OSBPL8: variants seen among roughly 807,000 people sequenced by gnomAD.
The protein encoded by OSBPL8 is oxysterol binding protein like 8.
In OSBPL8, 59 loss-of-function variants were observed where a neutral mutation model predicts 125.5. The ratio of observed to expected loss-of-function variants is 0.47; its 90% confidence interval spans 0.38 to 0.58. The LOEUF is 0.58. Ranked by LOEUF, OSBPL8 falls within the 20% of genes least tolerant of loss-of-function variation. The pLI, the probability that OSBPL8 is intolerant of heterozygous loss-of-function variation, is 0.00. For synonymous variants in OSBPL8, 330 were observed against 338.9 expected (o/e 0.97, Z 0.29); for missense variants, 758 against 1,047.8 (o/e 0.72, Z 3.82).
intron 15 of OSBPL8, among the ~76,000 whole-genome samples, chr12:76,381,434 CT>C (rs1953045746): frequency 6.6e-6 from 1 of 152,134 alleles, no homozygotes; most frequent in Non-Finnish European, 1.5e-5. Context: ...TTTTACACCA[CT>C]TCTTGGGTCA....
chr12:76,427,530 C>T (rs1870291797), intron 4 of OSBPL8, among the ~76,000 whole-genome samples: 1 of 151,792 alleles, frequency 6.6e-6, no homozygotes, highest in Non-Finnish European at 1.5e-5. Context: ...ATACTCTTTT[C>T]TTCAATAATT....
rs550039008 is a variant in OSBPL8, at chr12:76,460,446, A to G, written c.43-551T>C. On this transcript the variant is annotated intron_variant, in intron 2 of 23. Transcript: ENST00000261183. ...GTTACATGCCAAGCATTGTGTGAAG[A>G]GCATCTACAGAGGCATCAACAAAGT... Among the ~76,000 whole-genome samples the G allele has an allele frequency of 7.2e-5, 11 of 151,864 alleles. No individual in the cohort carries two copies. In the East Asian group the frequency reaches 1.9e-3, roughly 27 times the overall value.
chr12:76,378,996 T>C (rs768133754), intron 15 of OSBPL8, among the ~76,000 whole-genome samples: 5 of 152,132 alleles, frequency 3.3e-5, no homozygotes, highest in Non-Finnish European at 5.9e-5. Flanking sequence ...TTTTAACTCC[T>C]GACCTTGGGT....
chr12:76,367,229 G>GGTGGGT (rs1555206641), intron 21 of OSBPL8, among the ~76,000 whole-genome samples: 1 of 147,168 alleles, frequency 6.8e-6, no homozygotes, highest in Admixed American at 6.8e-5. Flanking sequence ...TTTGTTGATT[G>GGTGGGT]GTGTGTGTGT....
chr12:76,425,886 G>T (rs751573970), intron 4 of OSBPL8, among the ~76,000 whole-genome samples: 1 of 152,124 alleles, frequency 6.6e-6, no homozygotes, highest in Non-Finnish European at 1.5e-5. Context: ...TAATTATCTT[G>T]CCGAATGCTT....
At chr12:76,479,461 C>T (rs1319194631) in intron 2 of OSBPL8, among the ~76,000 whole-genome samples, 1 of 152,204 alleles carries the variant, frequency 6.6e-6, no homozygotes, top group Non-Finnish European at 1.5e-5. Context: ...CCAGCCTCCA[C>T]TTTTCTAACC....
chr12:76,508,937 C>T (rs999239754), intron 1 of OSBPL8, among the ~76,000 whole-genome samples: 1 of 152,196 alleles, frequency 6.6e-6, no homozygotes. Flanking sequence ...GCCCATGCTG[C>T]TGCTCTGCCT....
At chr12:76,356,523 T>G in intron 23 of OSBPL8, 103 bp downstream of exon 23, 1 of 701,952 alleles carries the variant, frequency 1.4e-6, no homozygotes. Context: ...TTAGCTTAGC[T>G]AAATGTTATA....
At chr12:76,499,762 G>A (rs1258087425) in intron 1 of OSBPL8, among the ~76,000 whole-genome samples, 3 of 152,014 alleles carry the variant, frequency 2.0e-5, no homozygotes, top group Admixed American at 6.6e-5. Flanking sequence ...GCTGAAGTAG[G>A]AGAATCACTT....
chr12:76,541,798 G>A (rs1386247537), intron 1 of OSBPL8, among the ~76,000 whole-genome samples: 1 of 152,100 alleles, frequency 6.6e-6, no homozygotes, highest in African/African-American at 2.4e-5. Flanking sequence ...GGAGGCTGCA[G>A]TGAGCTGAGA....
At chr12:76,466,661 T>A (rs541466860) in intron 2 of OSBPL8, among the ~76,000 whole-genome samples, 274 of 152,266 alleles carry the variant, frequency 1.8e-3, no homozygotes, top group South Asian at 3.5e-3. Flanking sequence ...AACCCTTTTT[T>A]AAAAATCTTT....
At chr12:76,424,647 TTC>T (rs1335315936) in intron 4 of OSBPL8, among the ~76,000 whole-genome samples, 1 of 152,166 alleles carries the variant, frequency 6.6e-6, no homozygotes, top group Non-Finnish European at 1.5e-5. Flanking sequence ...ACAGTTTAAT[TTC>T]TCTGAGTCTT....
At chr12:76,523,470 G>T (rs1348358593) in intron 1 of OSBPL8, among the ~76,000 whole-genome samples, 1 of 152,174 alleles carries the variant, frequency 6.6e-6, no homozygotes, top group African/African-American at 2.4e-5. Flanking sequence ...GAATATTTAT[G>T]TCCTCTCCAG....
intron 5 of OSBPL8, among the ~76,000 whole-genome samples, chr12:76,403,771 T>C (rs1954144095): frequency 6.6e-6 from 1 of 152,304 alleles, no homozygotes. Context: ...CAGATGTGCA[T>C]AATACCACTA....
At chr12:76,531,540 G>A (rs530046453) in intron 1 of OSBPL8, among the ~76,000 whole-genome samples, 1 of 152,160 alleles carries the variant, frequency 6.6e-6, no homozygotes, top group Non-Finnish European at 1.5e-5. Context: ...TTAATAAGAT[G>A]TATCAAACTG....
chr12:76,485,034 C>T (rs1274590920), intron 2 of OSBPL8, among the ~76,000 whole-genome samples: 2 of 151,966 alleles, frequency 1.3e-5, no homozygotes, highest in Non-Finnish European at 2.9e-5. Context: ...AATTCTCCTG[C>T]CTCAGCCTCC....
chr12:76,380,290 CTTCT>C (rs1285235199), intron 15 of OSBPL8, among the ~76,000 whole-genome samples: 10 of 152,074 alleles, frequency 6.6e-5, no homozygotes, highest in Non-Finnish European at 1.3e-4. Flanking sequence ...TTATTTGGAT[CTTCT>C]TTAATTTTCC....
intron 2 of OSBPL8, among the ~76,000 whole-genome samples, chr12:76,486,422 G>A (rs1878137257): frequency 6.6e-6 from 1 of 152,132 alleles, no homozygotes; most frequent in African/African-American, 2.4e-5. Flanking sequence ...TAATGATAAA[G>A]CTACCAGCTG....
intron 14 of OSBPL8, among the ~76,000 whole-genome samples, chr12:76,385,570 A>G (rs1184158735): frequency 6.6e-6 from 1 of 152,184 alleles, no homozygotes; most frequent in Non-Finnish European, 1.5e-5. Context: ...AAAACAATAC[A>G]GAAGTTTGAG....
Sources: gnomAD v4.1 joint callset for allele counts (sites outside exome capture counted in the v4.1 genomes callset) on GRCh38, gnomAD v4.1.1 for gene constraint, MANE v1.5 for transcripts, NCBI Gene and HGNC (gene_info 2026-07-23, HGNC 2026-07-21) for gene names.